LARGE1: variants seen among roughly 807,000 people sequenced by gnomAD.
The protein encoded by LARGE1 is LARGE xylosyl- and glucuronyltransferase 1, also known as xylosyl- and glucuronyltransferase LARGE1.
In LARGE1, 43 loss-of-function variants were observed where a neutral mutation model predicts 87.6. The observed-to-expected ratio is 0.49, with a 90% CI of 0.38 to 0.63. LARGE1 has a LOEUF of 0.63. LARGE1 is among the 30% of genes least tolerant of loss of function. The probability of loss-of-function intolerance (pLI) is 0.00; values close to 1 mark genes in which losing one functional copy is unlikely to be tolerated. For synonymous variants in LARGE1, 434 were observed against 394.6 expected (o/e 1.10, Z -1.18); for missense variants, 802 against 1,000.2 (o/e 0.80, Z 2.67).
intron 6 of LARGE1, among the ~76,000 whole-genome samples, chr22:33,481,544 C>T (rs1003972826): frequency 6.6e-6 from 1 of 151,880 alleles, no homozygotes; most frequent in African/African-American, 2.4e-5. Flanking sequence ...TCTCATGCAC[C>T]CTATGAATTT....
chr22:33,878,125 A>ATTTTT (rs1601836110), intron 1 of LARGE1, among the ~76,000 whole-genome samples: 2 of 51,228 alleles, frequency 3.9e-5, no homozygotes, highest in Non-Finnish European at 8.1e-5. Context: ...TTTATATTGT[A>ATTTTT]TTTCTTTTTT....
chr22:33,585,937 G>A (rs1218616757), intron 5 of LARGE1, among the ~76,000 whole-genome samples: 3 of 152,198 alleles, frequency 2.0e-5, no homozygotes, highest in South Asian at 2.1e-4. Flanking sequence ...GACCTCAAAC[G>A]ATCCACCTGC....
At chr22:33,081,260 A>G in the LARGE1 span, among the ~76,000 whole-genome samples, 5 of 152,198 alleles carry the variant, frequency 3.3e-5, no homozygotes, top group African/African-American at 9.6e-5. Context: ...TATTGTTTAA[A>G]TCACCCAGTC....
chr22:33,464,123 A>C (rs994517968), intron 6 of LARGE1, among the ~76,000 whole-genome samples: 2 of 152,182 alleles, frequency 1.3e-5, no homozygotes, highest in Non-Finnish European at 2.9e-5. Context: ...TAAACAACCA[A>C]TGGAACTTAT....
At chr22:33,296,276 C>T (rs1245147020) in intron 12 of LARGE1, among the ~76,000 whole-genome samples, 1 of 152,250 alleles carries the variant, frequency 6.6e-6, no homozygotes, top group Admixed American at 6.5e-5. Flanking sequence ...AGCTCATACT[C>T]TTGAACACGT....
intron 5 of LARGE1, among the ~76,000 whole-genome samples, chr22:33,568,064 A>C (rs1161088037): frequency 2.0e-5 from 3 of 152,206 alleles, no homozygotes; most frequent in Non-Finnish European, 4.4e-5. Flanking sequence ...CCGTGCAGTT[A>C]CTTGAGGAGG....
At chr22:33,816,674 G>GGATA (rs1556115447) in intron 1 of LARGE1, among the ~76,000 whole-genome samples, 2,766 of 141,342 alleles carry the variant, frequency 0.02, 48 homozygotes, top group Admixed American at 0.06. Context: ...ACGGATGGAT[G>GGATA]GATAGATAGA....
chr22:33,178,113 G>C (rs1922975870), intron 11 of LARGE1, among the ~76,000 whole-genome samples: 1 of 152,120 alleles, frequency 6.6e-6, no homozygotes, highest in Non-Finnish European at 1.5e-5. Flanking sequence ...TATCTTTATA[G>C]CAATGTAAAA....
chr22:33,795,288 G>A (rs759377716), intron 1 of LARGE1, among the ~76,000 whole-genome samples: 28 of 152,188 alleles, frequency 1.8e-4, no homozygotes, highest in Non-Finnish European at 3.2e-4. Flanking sequence ...TATACAGTAA[G>A]TATTTCATTA....
intron 2 of LARGE1, among the ~76,000 whole-genome samples, chr22:33,735,061 G>T (rs140005036): frequency 6.6e-6 from 1 of 152,252 alleles, no homozygotes; most frequent in African/African-American, 2.4e-5. Flanking sequence ...CAGAACAAAA[G>T]CTCTCTGCCC....
intron 7 of LARGE1, among the ~76,000 whole-genome samples, chr22:33,385,111 T>G (rs2065278685): frequency 6.7e-6 from 1 of 148,596 alleles, no homozygotes; most frequent in Non-Finnish European, 1.5e-5. Flanking sequence ...CATAAGAAAC[T>G]AATAATAAGA....
At chr22:33,566,420 T>C (rs2078026644) in intron 5 of LARGE1, among the ~76,000 whole-genome samples, 1 of 152,158 alleles carries the variant, frequency 6.6e-6, no homozygotes, top group Non-Finnish European at 1.5e-5. Flanking sequence ...CCCAAATCTA[T>C]GCAAAGGAAG....
chr22:33,287,887 G>A (rs1931835142), intron 12 of LARGE1, among the ~76,000 whole-genome samples: 1 of 152,220 alleles, frequency 6.6e-6, no homozygotes, highest in Non-Finnish European at 1.5e-5. Context: ...ACAGTCAGGT[G>A]TAGTGGTCAT....
intron 7 of LARGE1, among the ~76,000 whole-genome samples, chr22:33,431,141 G>A (rs2067065807): frequency 6.6e-6 from 1 of 152,238 alleles, no homozygotes; most frequent in Admixed American, 6.5e-5. Flanking sequence ...TGAGGATGGA[G>A]GAGGGAGGCA....
chr22:33,275,144 T>A (rs192146235), intron 14 of LARGE1, among the ~76,000 whole-genome samples: 1 of 152,280 alleles, frequency 6.6e-6, no homozygotes, highest in Non-Finnish European at 1.5e-5. Context: ...AAAACAAGTA[T>A]TTTGCTGGAC....
chr22:33,284,014 G>C (rs1010441811), intron 12 of LARGE1, among the ~76,000 whole-genome samples: 12 of 152,226 alleles, frequency 7.9e-5, no homozygotes. Context: ...GGAACCCAGA[G>C]TGGAATGGGA....
chr22:33,189,410 T>C (rs1923658555), intron 11 of LARGE1, among the ~76,000 whole-genome samples: 1 of 152,202 alleles, frequency 6.6e-6, no homozygotes, highest in Non-Finnish European at 1.5e-5. Context: ...CTCAGTTATC[T>C]GATGGTGGAA....
intron 7 of LARGE1, among the ~76,000 whole-genome samples, chr22:33,421,210 A>AAATAAAATC (rs1217670896): frequency 5.7e-5 from 8 of 141,576 alleles, no homozygotes; most frequent in African/African-American, 2.2e-4. Context: ...AAATAAAATA[A>AAATAAAATC]AATCAATCAA....
Position 33,382,909 on chromosome 22 carries a change from T to C in LARGE1, c.1006-865A>G, listed in dbSNP as rs150425963. Among the ~76,000 whole-genome samples the C allele has an allele frequency of 5.0e-3, 757 of 152,258 alleles. 8 individuals are homozygous for C. The highest frequency in any genetic ancestry group is 0.017 in the African/African-American group (717 of 41,546). On this transcript the variant is annotated intron_variant, in intron 8 of 14. Transcript: ENST00000397394. ...CTCATTCATTATACTCTATCTCATG[T>C]TTGAAAAAGGAAATCAGTTTCTGGC...
Sources: allele counts gnomAD v4.1 joint callset (sites outside exome capture counted in the v4.1 genomes callset), GRCh38; gene constraint gnomAD v4.1.1; transcripts MANE v1.5; gene names NCBI Gene and HGNC (gene_info 2026-07-23, HGNC 2026-07-21).